LPP: variants seen among roughly 807,000 people sequenced by gnomAD.
The protein encoded by LPP is lipoma-preferred partner.
In LPP, 38 loss-of-function variants were observed where a neutral mutation model predicts 60.4. The ratio of observed to expected loss-of-function variants is 0.63; its 90% CI spans 0.49 to 0.83. LPP has a LOEUF of 0.83. Ranked by LOEUF, LPP falls within the 40% of genes least tolerant of loss-of-function variation. The pLI is 0.00. For missense variants in LPP, 902 were observed against 783.6 expected (o/e 1.15, Z -1.80); for synonymous variants, 328 against 290.8 (o/e 1.13, Z -1.30).
intron 2 of LPP, among the ~76,000 whole-genome samples, chr3:188,228,485 AAACAAATG>A (rs1202715602): frequency 1.3e-5 from 2 of 152,146 alleles, no homozygotes; most frequent in Non-Finnish European, 2.9e-5. Flanking sequence ...AATGAGAATG[AAACAAATG>A]ACTGGACAAG....
intron 1 of LPP, among the ~76,000 whole-genome samples, chr3:188,188,649 A>G (rs1727278482): frequency 6.6e-6 from 1 of 152,140 alleles, no homozygotes; most frequent in Non-Finnish European, 1.5e-5. Flanking sequence ...AACTGCTTCT[A>G]CACGTGGTAT....
intron 6 of LPP, among the ~76,000 whole-genome samples, chr3:188,552,895 G>A (rs1288650267): frequency 6.6e-6 from 1 of 152,140 alleles, no homozygotes; most frequent in Non-Finnish European, 1.5e-5. Flanking sequence ...CATTCTTGGC[G>A]GGGTGGGGAG....
chr3:188,545,907 G>A (rs1826524098), intron 6 of LPP, among the ~76,000 whole-genome samples: 1 of 152,116 alleles, frequency 6.6e-6, no homozygotes, highest in Non-Finnish European at 1.5e-5. Context: ...CTCCAGACAA[G>A]TTTGTGGGCA....
intron 7 of LPP, among the ~76,000 whole-genome samples, chr3:188,642,020 A>G (rs1323255683): frequency 6.6e-6 from 1 of 152,168 alleles, no homozygotes; most frequent in Non-Finnish European, 1.5e-5. Flanking sequence ...TTGCTTTTAT[A>G]GCAGTTGCGC....
intron 9 of LPP, among the ~76,000 whole-genome samples, chr3:188,783,090 G>C (rs1740347908): frequency 6.6e-6 from 1 of 151,912 alleles, no homozygotes; most frequent in African/African-American, 2.4e-5. Flanking sequence ...GAGTGCCCTG[G>C]CTCCATGGAT....
At chr3:188,838,739 A>AGAT (rs1759132561) in intron 9 of LPP, among the ~76,000 whole-genome samples, 1 of 152,220 alleles carries the variant, frequency 6.6e-6, no homozygotes, top group African/African-American at 2.4e-5. Flanking sequence ...CATCATCCTC[A>AGAT]GCAAACTAAC....
chr3:188,871,796 A>G (rs1010815813), intron 10 of LPP, among the ~76,000 whole-genome samples: 1 of 152,210 alleles, frequency 6.6e-6, no homozygotes, highest in Non-Finnish European at 1.5e-5. Context: ...TTTTCAGCCA[A>G]TTAACCTGTC....
At chr3:188,693,925 TTTC>T (rs1862657577) in intron 7 of LPP, among the ~76,000 whole-genome samples, 1 of 152,186 alleles carries the variant, frequency 6.6e-6, no homozygotes, top group African/African-American at 2.4e-5. Context: ...TGATGTGAGC[TTTC>T]TTCTTGATTT....
intron 2 of LPP, among the ~76,000 whole-genome samples, chr3:188,337,154 C>T (rs2150589952): frequency 6.6e-6 from 1 of 152,178 alleles, no homozygotes; most frequent in Non-Finnish European, 1.5e-5. Context: ...TTGGGGATGT[C>T]GGGCCACTGG....
intron 7 of LPP, among the ~76,000 whole-genome samples, chr3:188,670,073 G>A (rs1221133569): frequency 6.6e-6 from 1 of 152,088 alleles, no homozygotes; most frequent in East Asian, 1.9e-4. Flanking sequence ...TGGACACAGG[G>A]TGAGGAACTT....
Position 188,785,409 on chromosome 3 carries a change from ATATATATTC to A in LPP, c.1410+25128_1410+25136del. 2.6e-4 allele frequency among the ~76,000 whole-genome samples: 3 copies of A among 11,562 alleles called. 1 individual carries two copies. Among genetic ancestry groups the A allele is most frequent in the African/African-American group, 6.5e-4 (1 of 1,528 alleles). The allele number at this position is 11,562 out of a possible 152,430, so 7.6% of individuals were successfully genotyped here. A position where few individuals can be genotyped will look rare whatever the true frequency, so the allele number is the denominator to read the frequency against. On this transcript the variant is annotated intron_variant, in intron 9 of 11. Coordinates refer to ENST00000617246, the MANE Select transcript of LPP (RefSeq NM_001375462.1). ...ATCATATATATATATTCCATCATATATATATATTCCATCATATATATATTCCATCATATA... is the reference window on the plus strand; with the variant it reads ...ATCATATATATATATTCCATCATATACATCATATATATATTCCATCATATA...
At chr3:188,408,795 G>A (rs1200969701) in intron 4 of LPP, among the ~76,000 whole-genome samples, 1 of 151,528 alleles carries the variant, frequency 6.6e-6, no homozygotes, top group African/African-American at 2.4e-5. Context: ...GCTTAAAGGA[G>A]GTGACATTCT....
chr3:188,727,967 G>A (rs935233150), intron 8 of LPP, among the ~76,000 whole-genome samples: 1 of 152,108 alleles, frequency 6.6e-6, no homozygotes, highest in African/African-American at 2.4e-5. Context: ...TCCTTTCTGT[G>A]TCATTCCTAA....
At chr3:188,435,524 A>C (rs1240851710) in intron 4 of LPP, among the ~76,000 whole-genome samples, 1 of 152,102 alleles carries the variant, frequency 6.6e-6, no homozygotes, top group Non-Finnish European at 1.5e-5. Flanking sequence ...GGGGAGGGGG[A>C]AAGTAAATAA....
chr3:188,252,291 C>CT (rs1252075005), intron 2 of LPP, among the ~76,000 whole-genome samples: 52 of 132,714 alleles, frequency 3.9e-4, no homozygotes, highest in Non-Finnish European at 5.9e-4. Flanking sequence ...AATTTTTTTT[C>CT]TTTTTTTTTG....
At chr3:188,210,269 C>G (rs1734343595) in intron 1 of LPP, among the ~76,000 whole-genome samples, 1 of 152,222 alleles carries the variant, frequency 6.6e-6, no homozygotes, top group South Asian at 2.1e-4. Flanking sequence ...GTCCTGGAAC[C>G]AATTCCCCAT....
At chr3:188,654,544 G>A (rs1852748956) in intron 7 of LPP, among the ~76,000 whole-genome samples, 1 of 152,152 alleles carries the variant, frequency 6.6e-6, no homozygotes, top group South Asian at 2.1e-4. Context: ...GTGTGTGTGT[G>A]TGTGTGTATG....
chr3:188,325,750 A>G (rs1164159933), intron 2 of LPP, among the ~76,000 whole-genome samples: 2 of 152,204 alleles, frequency 1.3e-5, no homozygotes, highest in East Asian at 1.9e-4. Context: ...CTGATTATAT[A>G]TTTATATTTT....
chr3:188,381,893 C>T (rs1776999763), intron 3 of LPP, among the ~76,000 whole-genome samples: 1 of 152,004 alleles, frequency 6.6e-6, no homozygotes. Context: ...GCTATCCTCT[C>T]ACCTCAGCCT....
Sources: allele counts gnomAD v4.1 joint callset (sites outside exome capture counted in the v4.1 genomes callset), GRCh38; gene constraint gnomAD v4.1.1; transcripts MANE v1.5; gene names NCBI Gene and HGNC (gene_info 2026-07-23, HGNC 2026-07-21).